Variants in PCDHGA5 observed in about 807,000 individuals in gnomAD.
The protein encoded by PCDHGA5 is protocadherin gamma subfamily A, 5, also known as protocadherin gamma-A5.
A neutral mutation model predicts 56.7 loss-of-function variants in PCDHGA5; 36 were observed. That is an observed-to-expected ratio of 0.64 (90% CI 0.49 to 0.84). The LOEUF (loss-of-function observed/expected upper bound fraction) is 0.84. Ranked by LOEUF, PCDHGA5 falls within the 40% of genes least tolerant of loss-of-function variation. The pLI is 0.00. For synonymous variants in PCDHGA5, 563 were observed against 520.2 expected (o/e 1.08, Z -1.12); for missense variants, 1,305 against 1,201.5 (o/e 1.09, Z -1.27).
At chr5:141,424,956 T>A (rs1435882776) in intron 1 of PCDHGA5, among the ~76,000 whole-genome samples, 1 of 152,176 alleles carries the variant, frequency 6.6e-6, no homozygotes, top group African/African-American at 2.4e-5. Context: ...TTCTAGGTAT[T>A]TGCCCCAAAT....
rs931548015 is a variant in PCDHGA5 at position 141,365,447 on chromosome 5, G to T, written c.1117G>T (p.Asp373Tyr). The change falls in exon 1 of 4, where the codon GAT (aspartate) becomes TAT (tyrosine). Residue 373 changes from aspartate to tyrosine, a missense_variant. Asp to Tyr is a radical substitution (Grantham distance 160, BLOSUM62 -3). Transcript: ENST00000518069. ...GTVIALFSVH[D>Y]GDSGENGEIA... The stretch of plus-strand genomic sequence containing the variant: ...TGTAATCGCGCTGTTTAGCGTACAT[G>T]ATGGTGATTCTGGAGAAAATGGTGA... The T allele has an allele frequency of 6.2e-7, 1 of 1,614,034 alleles. No individual in the cohort carries two copies. Among genetic ancestry groups the T allele is most frequent in the Middle Eastern group, 1.6e-4 (1 of 6,062 alleles).
At chr5:141,461,133 T>C (rs2099009646) in intron 1 of PCDHGA5, among the ~76,000 whole-genome samples, 1 of 152,086 alleles carries the variant, frequency 6.6e-6, no homozygotes, top group South Asian at 2.1e-4. Flanking sequence ...TAATTACTTA[T>C]TTTCCTTTGG....
At position 141,404,691 on chromosome 5, in the gene PCDHGA5, G is replaced by T. The variant is rs200601931; in HGVS notation, c.2421+37940G>T. ...TCTACTGGTGTGGAGCTGGCACCCC[G>T]CTCTGCAGAGCCTGGCTACCTGGTG... On this transcript the variant is annotated intron_variant, in intron 1 of 3. Transcript: ENST00000518069. 28 of 1,613,996 alleles carry T rather than the reference G, an allele frequency of 1.7e-5. No individual in the cohort carries two copies. The highest frequency in any genetic ancestry group is 1.6e-4 in the Middle Eastern group (1 of 6,062).
At chr5:141,494,305 C>T (rs544773836) in intron 1 of PCDHGA5, among the ~76,000 whole-genome samples, 1 of 152,346 alleles carries the variant, frequency 6.6e-6, no homozygotes, top group East Asian at 1.9e-4. Context: ...GAATGTGTCA[C>T]TGCACAACCT....
chr5:141,394,454 A>G (rs1394596470), intron 1 of PCDHGA5: 2 of 1,614,212 alleles, frequency 1.2e-6, no homozygotes, highest in Admixed American at 1.7e-5. Context: ...GCAACATGTC[A>G]CTGAGCCTGT....
chr5:141,434,877 C>A (rs1266355299), intron 1 of PCDHGA5, among the ~76,000 whole-genome samples: 1 of 151,612 alleles, frequency 6.6e-6, no homozygotes, highest in Non-Finnish European at 1.5e-5. Flanking sequence ...TGACAGATAC[C>A]AACAACAATC....
In PCDHGA5 at chr5:141,511,007, G is replaced by C. The variant is rs780918754; in HGVS notation, c.2630G>C (p.Arg877Pro). Residue 877 changes from arginine to proline, a missense_variant, in exon 4 of 4, where the codon CGC (arginine) becomes CCC (proline). Physicochemically the swap from Arg to Pro is moderately radical, Grantham distance 103. Coordinates refer to ENST00000518069, the MANE Select transcript of PCDHGA5 (RefSeq NM_018918.3). Reference protein sequence around the residue: ...GGAGTMGLSARYGPQFTLQHV... With the variant: ...GGAGTMGLSAPYGPQFTLQHV... ...GCCGGCACCATGGGATTGAGCGCCC[G>C]CTACGGACCCCAGTTCACCCTGCAG... The C allele has an allele frequency of 1.9e-6, 3 of 1,614,042 alleles. No homozygotes were observed. The highest frequency in any genetic ancestry group is 2.7e-5 in the African/African-American group (2 of 74,910).
At chr5:141,385,173 C>A in intron 1 of PCDHGA5, 1 of 1,614,188 alleles carries the variant, frequency 6.2e-7, no homozygotes. Context: ...ATGAGGTCTC[C>A]CTCACCGCGG....
intron 1 of PCDHGA5, chr5:141,392,843 C>T (rs77141792): frequency 0.027 from 43,247 of 1,608,962 alleles, 854 homozygotes; most frequent in African/African-American, 0.093. Context: ...GCCCCAGACG[C>T]GGCGAGCTGA....
chr5:141,478,095 C>T, intron 1 of PCDHGA5: 5 of 1,614,100 alleles, frequency 3.1e-6, no homozygotes, highest in Non-Finnish European at 4.2e-6. Context: ...TCCACCACTG[C>T]TACCCTCACT....
chr5:141,433,514 G>C (rs1330494451), intron 1 of PCDHGA5, among the ~76,000 whole-genome samples: 1 of 152,016 alleles, frequency 6.6e-6, no homozygotes, highest in East Asian at 1.9e-4. Context: ...GATTACAGGC[G>C]TGAACCACAG....
chr5:141,476,137 G>A lies in PCDHGA5; in HGVS notation c.2422-18670G>A. The A allele has an allele frequency of 1.2e-6, 2 of 1,609,204 alleles. No homozygotes were observed. The highest frequency in any genetic ancestry group is 1.7e-6 in the Non-Finnish European group (2 of 1,178,592). On this transcript the variant is annotated intron_variant, in intron 1 of 3. Coordinates refer to ENST00000518069, the MANE Select transcript of PCDHGA5 (RefSeq NM_018918.3). The surrounding 1 kb of genome is among the most constrained non-coding windows in gnomAD (Gnocchi z 7.6). ...GTGAGATGGTCCCAGAGGCCTGGAGGAGCGGACTGGTAAGCACCGGGAGGG... is the reference window on the plus strand; with the variant it reads ...GTGAGATGGTCCCAGAGGCCTGGAGAAGCGGACTGGTAAGCACCGGGAGGG...
rs3074545 is a variant in PCDHGA5, at chr5:141,482,530, C to CAAAAAAA, written c.2422-12264_2422-12258dup. On this transcript the variant is annotated intron_variant, in intron 1 of 3. Coordinates refer to ENST00000518069, the MANE Select transcript of PCDHGA5 (RefSeq NM_018918.3). ...CAGAGTACAGTATGAGACAGACATG[C>CAAAAAAA]AAAAAAAAAAAAAAAAAAAGATAAT... Among the ~76,000 whole-genome samples the CAAAAAAA allele has an allele frequency of 6.5e-4, 50 of 76,534 alleles. 2 individuals are homozygous for CAAAAAAA. The highest frequency in any genetic ancestry group is 1.7e-3 in the African/African-American group (35 of 20,860). 50.2% of individuals were successfully genotyped at this position (76,534 alleles called of 152,430 possible).
rs373048330 is a variant in PCDHGA5 at position 141,384,937 on chromosome 5, C to A, written c.2421+18186C>A. On this transcript the variant is annotated intron_variant, in intron 1 of 3. Coordinates refer to ENST00000518069, the MANE Select transcript of PCDHGA5 (RefSeq NM_018918.3). Reference sequence around the variant, plus strand: ...CTTGGCCGACCTGGGCAGCCTTGAGCCCTCCGACGGTCCTTACAACTATGA... The same window carrying A: ...CTTGGCCGACCTGGGCAGCCTTGAGACCTCCGACGGTCCTTACAACTATGA... The A allele has an allele frequency of 1.6e-4, 255 of 1,614,068 alleles. 1 individual carries two copies. The South Asian group carries it at 2.7e-3, about 17-fold the overall frequency.
At chr5:141,426,726 G>A (rs916323483) in intron 1 of PCDHGA5, 2 of 448,052 alleles carry the variant, frequency 4.5e-6, no homozygotes, top group South Asian at 1.6e-5. Flanking sequence ...AGCAATTCCA[G>A]GCATTCGGTT....
chr5:141,426,369 A>G, intron 1 of PCDHGA5: 1 of 205,906 alleles, frequency 4.9e-6, no homozygotes, highest in Non-Finnish European at 1.0e-5. Context: ...TCTGCGGGGC[A>G]CCCTCGGAGC....
At chr5:141,389,790 G>A (rs1328126483) in intron 1 of PCDHGA5, 4 of 1,613,352 alleles carry the variant, frequency 2.5e-6, no homozygotes, top group Non-Finnish European at 3.4e-6. Flanking sequence ...CAGGGACGCC[G>A]TCCGCCAGCG....
intron 1 of PCDHGA5, chr5:141,393,678 A>T: frequency 6.2e-7 from 1 of 1,613,904 alleles, no homozygotes; most frequent in Non-Finnish European, 8.5e-7. Context: ...TGAAAAACAA[A>T]CTCCGTTATT....
chr5:141,461,655 ATTTTAAAG>A (rs2099019832), intron 1 of PCDHGA5, among the ~76,000 whole-genome samples: 1 of 152,022 alleles, frequency 6.6e-6, no homozygotes, highest in African/African-American at 2.4e-5. Flanking sequence ...CCCATGGATT[ATTTTAAAG>A]TTTGTTATTT....
Sources: gnomAD v4.1 joint callset for allele counts (sites outside exome capture counted in the v4.1 genomes callset) on GRCh38, gnomAD v4.1.1 for gene constraint, Gnocchi (gnomAD v3.1) non-coding constraint, MANE v1.5 for transcripts, NCBI Gene and HGNC (gene_info 2026-07-23, HGNC 2026-07-21) for gene names.